B3GALT9: variants seen among roughly 807,000 people sequenced by gnomAD.
The protein encoded by B3GALT9 is UDP-GlcNAc:betaGal beta-1,3-N-acetylglucosaminyltransferase 10 (putative).
chr9:120,797,243 C>A (rs185065349), intron 2 of B3GALT9, among the ~76,000 whole-genome samples: 11 of 152,096 alleles, frequency 7.2e-5, no homozygotes, highest in Non-Finnish European at 1.6e-4. Context: ...CGGTGGCTCT[C>A]ACCTGTAATC....
chr9:120,795,614 C>G (rs2044934412), intron 1 of B3GALT9, among the ~76,000 whole-genome samples: 1 of 152,112 alleles, frequency 6.6e-6, no homozygotes, highest in South Asian at 2.1e-4. Flanking sequence ...GAAAACATAG[C>G]CAACTTTAAA....
chr9:120,794,506 TTGTGTGTGTG>T (rs10589412), intron 1 of B3GALT9, among the ~76,000 whole-genome samples: 9,773 of 142,108 alleles, frequency 0.069, 360 homozygotes, highest in Middle Eastern at 0.088. Flanking sequence ...GCCCAGCTAG[TTGTGTGTGTG>T]TGTGTGTGTG....
intron 2 of B3GALT9, among the ~76,000 whole-genome samples, chr9:120,797,410 G>T (rs1022749092): frequency 2.6e-5 from 4 of 151,844 alleles, no homozygotes; most frequent in Non-Finnish European, 5.9e-5. Context: ...GGAGGCTGAG[G>T]CATGAGAATC....
rs2044965354 is a variant in B3GALT9, at chr9:120,800,710, A to G, written c.*1032A>G. ...CTATTTAACACATGCATCACCTGAC[A>G]TACTTTTTTGTAGTGAGAACACTTA... On this transcript the variant is annotated 3_prime_UTR_variant, in exon 3 of 3. Coordinates refer to ENST00000689072, the MANE Select transcript of B3GALT9 (RefSeq NM_001386823.1). Among the ~76,000 whole-genome samples, 1 of 152,222 alleles carries G rather than the reference A, an allele frequency of 6.6e-6. No homozygotes were observed. Among genetic ancestry groups the G allele is most frequent in the Non-Finnish European group, 1.5e-5 (1 of 68,036 alleles).
At position 120,800,100 on chromosome 9, in the gene B3GALT9, C is replaced by A. The variant is rs2044961674; in HGVS notation, c.*422C>A. The stretch of plus-strand genomic sequence containing the variant: ...GAGTAGCTGAGACTATAGGCATGTG[C>A]CACCATACCCGGCTAATTTTTTTTT... On this transcript the variant is annotated 3_prime_UTR_variant, in exon 3 of 3. Transcript: ENST00000689072. Among the ~76,000 whole-genome samples, 1 of 149,134 alleles carries A rather than the reference C, an allele frequency of 6.7e-6. No homozygotes were observed. The highest frequency in any genetic ancestry group is 2.1e-4 in the South Asian group (1 of 4,700).
Position 120,799,417 on chromosome 9 carries a change from T to TA in B3GALT9, c.850dup (p.Ile284AsnfsTer15). ...GAATTTGTGCTAAGTTCATTGGCCT[T>TA]ATACCCATCCACAGCTCAAGGTTTT... On this transcript the variant is annotated frameshift_variant, in exon 3 of 3. Coordinates refer to ENST00000689072, the MANE Select transcript of B3GALT9 (RefSeq NM_001386823.1). LOFTEE classifies it high-confidence loss of function. 1 of 399,308 alleles carries TA rather than the reference T, an allele frequency of 2.5e-6. No homozygotes were observed. Among genetic ancestry groups the TA allele is most frequent in the African/African-American group, 2.1e-5 (1 of 48,760 alleles). The allele number at this position is 399,308 out of a possible 1,614,324, so 24.7% of individuals were successfully genotyped here. A position where few individuals can be genotyped will look rare whatever the true frequency, so the allele number is the denominator to read the frequency against.
At chr9:120,798,262 ATGTCCAAGACAAGTGCCT>A in intron 2 of B3GALT9, among the ~76,000 whole-genome samples, 1 of 152,334 alleles carries the variant, frequency 6.6e-6, no homozygotes, top group Non-Finnish European at 1.5e-5. Context: ...GGTAATCCCA[ATGTCCAAGACAAGTGCCT>A]TGTATATAGT....
chr9:120,795,719 T>TA (rs1208604057), intron 1 of B3GALT9, among the ~76,000 whole-genome samples: 1 of 152,168 alleles, frequency 6.6e-6, no homozygotes, highest in Non-Finnish European at 1.5e-5. Flanking sequence ...AAGGACGAAA[T>TA]ATAGCCTGGC....
In B3GALT9 at chr9:120,800,467, C is replaced by T. The variant is rs1350927545; in HGVS notation, c.*789C>T. 2.6e-5 allele frequency among the ~76,000 whole-genome samples: 4 copies of T among 151,828 alleles called. No individual in the cohort carries two copies. The highest frequency in any genetic ancestry group is 9.7e-5 in the African/African-American group (4 of 41,346). Reference sequence around the variant, plus strand: ...GATGGGGGTTTCATGATGTTGCCCACGCTGGTCTTGAACTCCTGGGCTCAA... The same window carrying T: ...GATGGGGGTTTCATGATGTTGCCCATGCTGGTCTTGAACTCCTGGGCTCAA... On this transcript the variant is annotated 3_prime_UTR_variant, in exon 3 of 3. Coordinates refer to ENST00000689072, the MANE Select transcript of B3GALT9 (RefSeq NM_001386823.1).
At chr9:120,797,210 A>AGAGT (rs1564469170) in intron 2 of B3GALT9, among the ~76,000 whole-genome samples, 3 of 151,764 alleles carry the variant, frequency 2.0e-5, no homozygotes, top group Non-Finnish European at 4.4e-5. Context: ...CCAATGGTTA[A>AGAGT]GAGCGAGCTT....
At chr9:120,794,908 A>G (rs1042629275) in intron 1 of B3GALT9, among the ~76,000 whole-genome samples, 45 of 152,262 alleles carry the variant, frequency 3.0e-4, no homozygotes, top group Admixed American at 6.5e-5. Context: ...TTTAATAGCC[A>G]CATGAGGCTA....
chr9:120,801,114 C>G lies in B3GALT9; in HGVS notation c.*1436C>G, dbSNP rs566630742. 6.6e-6 allele frequency among the ~76,000 whole-genome samples: 1 copy of G among 152,320 alleles called. No homozygotes were observed. Among genetic ancestry groups the G allele is most frequent in the African/African-American group, 2.4e-5 (1 of 41,564 alleles). ...ATACCACATTTTCTTTATTCATGCACTGGTGGACACTTAGATAGATGCCAC... is the reference window on the plus strand; with the variant it reads ...ATACCACATTTTCTTTATTCATGCAGTGGTGGACACTTAGATAGATGCCAC... On this transcript the variant is annotated 3_prime_UTR_variant, in exon 3 of 3. Transcript: ENST00000689072.
chr9:120,793,517 A>C lies in B3GALT9; in HGVS notation c.-587A>C. The C allele has an allele frequency of 2.5e-6, 1 of 400,290 alleles. No homozygotes were observed. Among genetic ancestry groups the C allele is most frequent in the Non-Finnish European group, 4.4e-6 (1 of 227,324 alleles). 24.8% of individuals were successfully genotyped at this position (400,290 alleles called of 1,614,324 possible). On this transcript the variant is annotated 5_prime_UTR_variant, in exon 1 of 3. Coordinates refer to ENST00000689072, the MANE Select transcript of B3GALT9 (RefSeq NM_001386823.1). ...GGGTGGTGGGAGGCTGGAGGCCGGG[A>C]GTAGGGGTGGGGAGAAGAGCGTCCC...
intron 2 of B3GALT9, among the ~76,000 whole-genome samples, chr9:120,797,183 A>C (rs1215638136): frequency 6.6e-6 from 1 of 151,716 alleles, no homozygotes; most frequent in Non-Finnish European, 1.5e-5. Flanking sequence ...ATAAGTAAAG[A>C]TAGGAATTGT....
At chr9:120,795,276 C>A (rs2044931187) in intron 1 of B3GALT9, among the ~76,000 whole-genome samples, 1 of 152,148 alleles carries the variant, frequency 6.6e-6, no homozygotes, top group Admixed American at 6.5e-5. Context: ...GCACCCATAT[C>A]TCTTTGGAGC....
intron 1 of B3GALT9, among the ~76,000 whole-genome samples, chr9:120,795,149 A>G (rs751504632): frequency 3.9e-5 from 6 of 152,224 alleles, no homozygotes; most frequent in Non-Finnish European, 7.3e-5. Context: ...GTCACTCTAG[A>G]CTTCTAAGTC....
rs2044958308 is a variant in B3GALT9 at position 120,799,543 on chromosome 9, T to C, written c.975T>C (p.Ile325=). Residue 325 remains isoleucine (I), a synonymous_variant, in exon 3 of 3, where the codon ATT becomes ATC. Transcript: ENST00000689072. ...DPEMPLAWKE[I]NDGKECTLFE... ...AAATGCCCCTAGCATGGAAGGAAAT[T>C]AATGATGGAAAAGAATGTACACTGT... is the stretch of plus-strand genomic sequence containing the variant. The C allele has an allele frequency of 2.5e-6, 1 of 399,738 alleles. No individual in the cohort carries two copies. The allele number at this position is 399,738 out of a possible 1,614,324, so 24.8% of individuals were successfully genotyped here.
Position 120,799,021 on chromosome 9 carries a change from C to T in B3GALT9, c.453C>T (p.Phe151=), listed in dbSNP as rs1443704473. The change falls in exon 3 of 3, where the codon TTC becomes TTT. Residue 151 remains phenylalanine, a synonymous_variant. Transcript: ENST00000689072. ...CKNNDIIEGI[F]LDSSENQTLK... is the part of the protein sequence containing the mutation. ...ATAATGATATAATTGAAGGAATCTT[C>T]TTGGACAGTTCTGAGAACCAAACCC... 13 of 398,940 alleles carry T rather than the reference C, an allele frequency of 3.3e-5. No homozygotes were observed. The highest frequency in any genetic ancestry group is 2.6e-4 in the Admixed American group (6 of 22,710). The allele number at this position is 398,940 out of a possible 1,614,324, so 24.7% of individuals were successfully genotyped here.
chr9:120,798,496 G>A (rs944439179), intron 2 of B3GALT9, 79 bp from the exon 3 acceptor site: 5 of 398,640 alleles, frequency 1.3e-5, no homozygotes, highest in African/African-American at 2.1e-5. Flanking sequence ...TGCTGTGAGA[G>A]GTCCGTATAG....
Sources: allele counts gnomAD v4.1 joint callset (sites outside exome capture counted in the v4.1 genomes callset), GRCh38; gene constraint gnomAD v4.1.1; transcripts MANE v1.5; gene names NCBI Gene and HGNC (gene_info 2026-07-23, HGNC 2026-07-21).